CDH4: variants seen among roughly 807,000 people sequenced by gnomAD.
CDH4 encodes the protein cadherin-4.
In CDH4, 33 loss-of-function variants were observed where a neutral mutation model predicts 86.0. The observed-to-expected ratio is 0.38, with a 90% CI of 0.29 to 0.51. The LOEUF (loss-of-function observed/expected upper bound fraction) is 0.51, where lower values mean the gene tolerates loss of function less well. Among genes scored for constraint, CDH4 ranks in the 20% least tolerant of loss-of-function variants. The pLI is 0.86. For missense variants in CDH4, 1,114 were observed against 1,307.4 expected (o/e 0.85, Z 2.28); for synonymous variants, 555 against 549.4 (o/e 1.01, Z -0.14).
chr20:61,531,580 A>T (rs2145641732), intron 2 of CDH4, among the ~76,000 whole-genome samples: 1 of 151,926 alleles, frequency 6.6e-6, no homozygotes, highest in East Asian at 1.9e-4. Flanking sequence ...GCACATGAGG[A>T]TGTGTGTTGT....
chr20:61,471,451 G>A (rs1256062907), intron 2 of CDH4, among the ~76,000 whole-genome samples: 1 of 146,146 alleles, frequency 6.8e-6, no homozygotes, highest in Non-Finnish European at 1.5e-5. Flanking sequence ...TGTCAATTGT[G>A]TTTATCTTTT....
At chr20:61,673,841 C>T (rs57976084) in intron 2 of CDH4, among the ~76,000 whole-genome samples, 1 of 152,214 alleles carries the variant, frequency 6.6e-6, no homozygotes, top group Non-Finnish European at 1.5e-5. Context: ...CATCTCTCTT[C>T]TAGACAATAT....
chr20:61,910,277 G>A, intron 8 of CDH4, 145 bp from the exon 9 acceptor site: 2 of 695,540 alleles, frequency 2.9e-6, no homozygotes, highest in Non-Finnish European at 2.5e-6. Flanking sequence ...GACACGGTGT[G>A]TTCTGTTTGT....
At chr20:61,437,958 G>A (rs915431049) in intron 2 of CDH4, among the ~76,000 whole-genome samples, 3 of 152,174 alleles carry the variant, frequency 2.0e-5, no homozygotes, top group Non-Finnish European at 4.4e-5. Context: ...TTCATGGGCC[G>A]GATGTCCATC....
chr20:61,583,497 T>C (rs1297733736), intron 2 of CDH4, among the ~76,000 whole-genome samples: 1 of 151,826 alleles, frequency 6.6e-6, no homozygotes, highest in Non-Finnish European at 1.5e-5. Context: ...ATGGAAGGCA[T>C]CCAGGGGCAG....
chr20:61,814,347 G>A (rs956302002), intron 4 of CDH4, among the ~76,000 whole-genome samples: 1 of 152,180 alleles, frequency 6.6e-6, no homozygotes, highest in African/African-American at 2.4e-5. Flanking sequence ...GGCCTTCAGA[G>A]ACACCTGAAG....
chr20:61,565,130 G>GCTGGTGCTCTTGGTGGTA (rs2086260965), intron 2 of CDH4, among the ~76,000 whole-genome samples: 1 of 143,158 alleles, frequency 7.0e-6, no homozygotes, highest in Non-Finnish European at 1.6e-5. Context: ...TCTTGGTGGT[G>GCTGGTGCTCTTGGTGGTA]CTGGTCCTCT....
At chr20:61,707,656 T>C (rs999314823) in intron 2 of CDH4, among the ~76,000 whole-genome samples, 1 of 152,186 alleles carries the variant, frequency 6.6e-6, no homozygotes, top group Admixed American at 6.5e-5. Context: ...GGGACCACGT[T>C]TGTGGAAGAT....
chr20:61,400,657 T>G (rs1325960383), intron 2 of CDH4, among the ~76,000 whole-genome samples: 1 of 152,190 alleles, frequency 6.6e-6, no homozygotes, highest in African/African-American at 2.4e-5. Flanking sequence ...GTCACTGCTG[T>G]GGGATGAGCC....
chr20:61,865,791 GCTA>G, intron 6 of CDH4, among the ~76,000 whole-genome samples: 1 of 151,500 alleles, frequency 6.6e-6, no homozygotes, highest in East Asian at 1.9e-4. Flanking sequence ...AGTTTCCTGA[GCTA>G]GTTAGTGTAG....
chr20:61,491,152 C>T (rs1327071348), intron 2 of CDH4, among the ~76,000 whole-genome samples: 1 of 152,144 alleles, frequency 6.6e-6, no homozygotes, highest in South Asian at 2.1e-4. Flanking sequence ...TGTTTTCTTT[C>T]TTATGTTGGG....
chr20:61,793,106 G>A (rs1979301279), intron 4 of CDH4, among the ~76,000 whole-genome samples: 1 of 152,080 alleles, frequency 6.6e-6, no homozygotes, highest in East Asian at 1.9e-4. Flanking sequence ...GGGATTACAA[G>A]CGCCTGCCAC....
intron 2 of CDH4, among the ~76,000 whole-genome samples, chr20:61,546,152 T>TCATG (rs1555865296): frequency 1.5e-4 from 9 of 60,380 alleles, no homozygotes; most frequent in African/African-American, 2.5e-4. Flanking sequence ...TTGTTCACAT[T>TCATG]CGTGAGGGTG....
chr20:61,643,252 T>C (rs2087029831), intron 2 of CDH4, among the ~76,000 whole-genome samples: 1 of 152,172 alleles, frequency 6.6e-6, no homozygotes, highest in Non-Finnish European at 1.5e-5. Flanking sequence ...AGGCCCACTT[T>C]CGTGGTAACG....
chr20:61,325,586 G>A (rs1378190779), intron 2 of CDH4, among the ~76,000 whole-genome samples: 2 of 152,120 alleles, frequency 1.3e-5, no homozygotes, highest in Non-Finnish European at 2.9e-5. Context: ...TAGATGTGCA[G>A]GGGACAGCAT....
chr20:61,459,646 G>T (rs919125957), intron 2 of CDH4, among the ~76,000 whole-genome samples: 1 of 151,264 alleles, frequency 6.6e-6, no homozygotes, highest in African/African-American at 2.4e-5. Flanking sequence ...GATGCGGGCT[G>T]ACAAGGCTGA....
chr20:61,899,400 G>A (rs142216229), intron 8 of CDH4, among the ~76,000 whole-genome samples: 97 of 152,108 alleles, frequency 6.4e-4, no homozygotes, highest in African/African-American at 2.0e-3. Context: ...TCTATTCCCC[G>A]TCCCAAGCAA....
intron 4 of CDH4, among the ~76,000 whole-genome samples, chr20:61,823,254 T>G (rs56088828): frequency 6.6e-6 from 1 of 151,636 alleles, no homozygotes; most frequent in Non-Finnish European, 1.5e-5. Context: ...GGCGATGGTG[T>G]TGATGGTAAT....
intron 2 of CDH4, among the ~76,000 whole-genome samples, chr20:61,615,125 T>A (rs1212876464): frequency 1.3e-4 from 9 of 68,054 alleles, no homozygotes; most frequent in Non-Finnish European, 2.8e-4. Flanking sequence ...GTTTTTGTTT[T>A]TTTGGTTTTT....
Sources: gnomAD v4.1 joint callset for allele counts (sites outside exome capture counted in the v4.1 genomes callset) on GRCh38, gnomAD v4.1.1 for gene constraint, MANE v1.5 for transcripts, NCBI Gene and HGNC (gene_info 2026-07-23, HGNC 2026-07-21) for gene names.